CEP112: variants seen among roughly 807,000 people sequenced by gnomAD.
CEP112 encodes the protein centrosomal protein 112, also known as centrosomal protein of 112 kDa.
CEP112 carries 127 observed loss-of-function variants against 153.0 expected under a neutral mutation model. That is an observed-to-expected ratio of 0.83 (90% CI 0.72 to 0.96). The LOEUF (loss-of-function observed/expected upper bound fraction) is 0.96, where lower values mean the gene tolerates loss of function less well. Among genes scored for constraint, CEP112 ranks in the 40% least tolerant of loss-of-function variants. The pLI, the probability that CEP112 is intolerant of heterozygous loss-of-function variation, is 0.00. For missense variants in CEP112, 1,089 were observed against 1,101.2 expected (o/e 0.99, Z 0.16); for synonymous variants, 358 against 374.4 (o/e 0.96, Z 0.51).
intron 20 of CEP112, among the ~76,000 whole-genome samples, chr17:65,854,959 T>C (rs992491998): frequency 6.6e-6 from 1 of 152,144 alleles, no homozygotes; most frequent in Non-Finnish European, 1.5e-5. Context: ...AACATTCTTT[T>C]TTTAAAAAAA....
At position 66,191,962 on chromosome 17, in the gene CEP112, G is replaced by C. The variant is rs1350850689; in HGVS notation, c.-9+35C>G. 4 of 153,034 alleles carry C rather than the reference G, an allele frequency of 2.6e-5. No homozygotes were observed. In the East Asian group the frequency reaches 7.7e-4, roughly 30 times the overall value. The allele number at this position is 153,034 out of a possible 1,614,324, so 9.5% of individuals were successfully genotyped here. A position where few individuals can be genotyped will look rare whatever the true frequency, so the allele number is the denominator to read the frequency against. ...ATTCCACTCAAGAACCTGGTGGGAG[G>C]GGCGGGGGAAGGAAATTCAGAAAAA... On this transcript the variant is annotated intron_variant, in intron 1 of 26. Coordinates refer to ENST00000535342, the MANE Select transcript of CEP112 (RefSeq NM_001199165.4). This position sits in a 1 kb window ranked among gnomAD's most constrained non-coding sequence, Gnocchi z 4.2.
At chr17:65,902,547 T>C (rs2059913726) in intron 19 of CEP112, among the ~76,000 whole-genome samples, 1 of 152,052 alleles carries the variant, frequency 6.6e-6, no homozygotes, top group African/African-American at 2.4e-5. Context: ...CAGTAAATCC[T>C]TCTTCAATCT....
chr17:65,932,670 T>C (rs931166839), intron 18 of CEP112, among the ~76,000 whole-genome samples: 8 of 152,126 alleles, frequency 5.3e-5, no homozygotes, highest in Admixed American at 1.3e-4. Context: ...GTGCATCACA[T>C]GGCTAGAGTA....
intron 17 of CEP112, among the ~76,000 whole-genome samples, chr17:65,975,187 T>C (rs1006334764): frequency 2.6e-5 from 4 of 152,312 alleles, no homozygotes; most frequent in African/African-American, 7.2e-5. Flanking sequence ...CACAGAGATA[T>C]GGTCTATCAA....
At chr17:65,801,528 A>T (rs1182607523) in intron 21 of CEP112, among the ~76,000 whole-genome samples, 1 of 152,150 alleles carries the variant, frequency 6.6e-6, no homozygotes, top group African/African-American at 2.4e-5. Flanking sequence ...TTACACTTTT[A>T]TAAGTTTTAT....
chr17:65,891,374 C>T (rs1253028129), intron 20 of CEP112, among the ~76,000 whole-genome samples: 1 of 152,162 alleles, frequency 6.6e-6, no homozygotes, highest in Non-Finnish European at 1.5e-5. Context: ...GACACACTTC[C>T]CTCTGGATGT....
intron 20 of CEP112, among the ~76,000 whole-genome samples, chr17:65,898,795 A>G (rs1346415571): frequency 1.3e-5 from 2 of 152,140 alleles, no homozygotes. Flanking sequence ...CTCTACTGCA[A>G]CAGGTCACAG....
Position 65,671,368 on chromosome 17 carries a change from C to T in CEP112, c.2697+17761G>A, listed in dbSNP as rs147436289. Among the ~76,000 whole-genome samples the T allele has an allele frequency of 6.6e-4, 100 of 152,282 alleles. 1 individual carries two copies. The highest frequency in any genetic ancestry group is 2.4e-3 in the African/African-American group (99 of 41,562). On this transcript the variant is annotated intron_variant, in intron 24 of 26. Transcript: ENST00000535342. ...AAAAGAGGATCTTGCACTGTGTCTA[C>T]GGGAGCCCATGATGAGTGTAAGAGA...
intron 20 of CEP112, among the ~76,000 whole-genome samples, chr17:65,855,172 G>A (rs767360410): frequency 4.6e-5 from 7 of 152,146 alleles, no homozygotes; most frequent in Non-Finnish European, 8.8e-5. Context: ...GAAAATAATA[G>A]AAAACCGCTG....
chr17:66,173,832 CCT>C (rs1386234150), intron 4 of CEP112, among the ~76,000 whole-genome samples: 1 of 152,098 alleles, frequency 6.6e-6, no homozygotes, highest in African/African-American at 2.4e-5. Context: ...CTGAATATGC[CCT>C]TAATTATTTC....
chr17:66,171,061 C>T (rs892731208), intron 4 of CEP112, among the ~76,000 whole-genome samples: 1 of 152,042 alleles, frequency 6.6e-6, no homozygotes, highest in Admixed American at 6.5e-5. Flanking sequence ...CCTCACCATA[C>T]TTCTAACAAG....
chr17:66,128,861 A>G (rs1459358303), intron 6 of CEP112, among the ~76,000 whole-genome samples: 2 of 152,210 alleles, frequency 1.3e-5, no homozygotes, highest in Non-Finnish European at 2.9e-5. Context: ...GATAGCATTT[A>G]TAATAAATTT....
At chr17:65,682,649 C>T (rs1412145808) in intron 24 of CEP112, among the ~76,000 whole-genome samples, 1 of 152,036 alleles carries the variant, frequency 6.6e-6, no homozygotes. Context: ...GATCCCTCTT[C>T]CCTTTTTTTA....
At chr17:65,785,479 C>T (rs935366438) in intron 21 of CEP112, among the ~76,000 whole-genome samples, 9 of 152,208 alleles carry the variant, frequency 5.9e-5, no homozygotes, top group African/African-American at 1.7e-4. Flanking sequence ...CCAAAACTTT[C>T]GTCTGTCTTG....
chr17:65,731,895 C>T (rs915805279), intron 23 of CEP112, among the ~76,000 whole-genome samples: 6 of 152,178 alleles, frequency 3.9e-5, no homozygotes, highest in African/African-American at 1.4e-4. Flanking sequence ...AGTTCTCTTG[C>T]TATTCTACCA....
In CEP112 at chr17:66,069,826, A is replaced by C. The variant is rs2067246161; in HGVS notation, c.855+89T>G. On this transcript the variant is annotated intron_variant, in intron 9 of 26. Coordinates refer to ENST00000535342, the MANE Select transcript of CEP112 (RefSeq NM_001199165.4). ...CATAAATAAGTGGATGGATGGTTGG[A>C]AGAATGGATGGATAACTGGATGGAT... is the stretch of plus-strand genomic sequence containing the variant. 5 of 692,010 alleles carry C rather than the reference A, an allele frequency of 7.2e-6. No individual in the cohort carries two copies. In the South Asian group the frequency reaches 1.1e-4, roughly 15 times the overall value. The allele number at this position is 692,010 out of a possible 1,614,324, so 42.9% of individuals were successfully genotyped here. A position where few individuals can be genotyped will look rare whatever the true frequency, so the allele number is the denominator to read the frequency against.
chr17:65,979,344 C>T (rs918636802), intron 17 of CEP112, among the ~76,000 whole-genome samples: 8 of 152,048 alleles, frequency 5.3e-5, no homozygotes, highest in African/African-American at 1.7e-4. Context: ...TGCAATCCTC[C>T]CACCTCAGCC....
At chr17:66,027,881 C>T (rs2065284332) in intron 15 of CEP112, among the ~76,000 whole-genome samples, 1 of 151,794 alleles carries the variant, frequency 6.6e-6, no homozygotes, top group Non-Finnish European at 1.5e-5. Flanking sequence ...GAAGTTACAT[C>T]ATGTAACAGT....
At chr17:66,133,038 A>AAACAAC in intron 4 of CEP112, among the ~76,000 whole-genome samples, 1 of 152,062 alleles carries the variant, frequency 6.6e-6, no homozygotes, top group East Asian at 1.9e-4. Context: ...GACTCATCTC[A>AAACAAC]AACAACAACA....
Sources: allele counts gnomAD v4.1 joint callset (sites outside exome capture counted in the v4.1 genomes callset), GRCh38; gene constraint gnomAD v4.1.1; non-coding constraint Gnocchi (gnomAD v3.1); transcripts MANE v1.5; gene names NCBI Gene and HGNC (gene_info 2026-07-23, HGNC 2026-07-21).